Variants in ANKS1B observed in about 807,000 individuals in gnomAD.
ANKS1B encodes the protein ankyrin repeat and sterile alpha motif domain-containing protein 1B.
Under a neutral mutation model 148.3 loss-of-function variants are expected in ANKS1B, and 36 were observed. The ratio of observed to expected loss-of-function variants is 0.24; its 90% CI spans 0.19 to 0.32. The LOEUF is 0.32. Among genes scored for constraint, ANKS1B ranks in the 10% least tolerant of loss-of-function variants. ANKS1B has a pLI of 1.00. For missense variants in ANKS1B, 1,157 were observed against 1,542.6 expected, an observed-to-expected ratio of 0.75 and a Z score of 4.19; for synonymous variants, 542 against 560.8, an observed-to-expected ratio of 0.97 and a Z score of 0.47.
chr12:99,834,949 T>C (rs1025463573), intron 1 of ANKS1B, among the ~76,000 whole-genome samples: 1 of 152,212 alleles, frequency 6.6e-6, no homozygotes, highest in African/African-American at 2.4e-5. Context: ...TCTCAATCTG[T>C]GTCTTAATAG....
intron 8 of ANKS1B, among the ~76,000 whole-genome samples, chr12:99,742,232 C>T (rs913752437): frequency 2.0e-5 from 3 of 150,426 alleles, no homozygotes; most frequent in Admixed American, 1.3e-4. Flanking sequence ...CAAACCTGCA[C>T]ATGTACCCCT....
rs1234431717 is a variant in ANKS1B at position 99,812,171 on chromosome 12, G to C, written c.356C>G (p.Ser119Cys). The C allele has an allele frequency of 6.2e-7, 1 of 1,611,040 alleles. No homozygotes were observed. Among genetic ancestry groups the C allele is most frequent in the African/African-American group, 1.3e-5 (1 of 74,714 alleles). Residue 119 changes from serine to cysteine, a missense_variant, in exon 3 of 27, where the codon TCC becomes TGC. Physicochemically the swap from Ser to Cys is moderately radical, Grantham distance 112. This residue lies in a region of ANKS1B where 164 missense variants were observed against 232.6 expected (regional missense o/e 0.71). Transcript: ENST00000683438. Reference sequence around the variant, plus strand: ...CAAGTGCACCTGTTCATTGACCCTGGAATGTGATGGTCCATGATGAATAAG... The same window carrying C: ...CAAGTGCACCTGTTCATTGACCCTGCAATGTGATGGTCCATGATGAATAAG... ...KILIHHGPSH[S>C]RVNEQNNENE...
At chr12:98,981,584 C>T (rs2099910835) in intron 17 of ANKS1B, among the ~76,000 whole-genome samples, 1 of 152,188 alleles carries the variant, frequency 6.6e-6, no homozygotes, top group African/African-American at 2.4e-5. Flanking sequence ...GACCCACCCG[C>T]CTTGGCCTCC....
chr12:99,493,507 C>T (rs1039571763), intron 10 of ANKS1B, among the ~76,000 whole-genome samples: 10 of 149,932 alleles, frequency 6.7e-5, no homozygotes, highest in African/African-American at 2.3e-4. Context: ...TTGGTGGTGA[C>T]GGAGATTAAG....
rs1029575787 is a variant in ANKS1B at position 99,895,929 on chromosome 12, G to GT, written c.135-70541dup. 2.3e-4 allele frequency among the ~76,000 whole-genome samples: 34 copies of GT among 150,394 alleles called. 1 individual carries two copies. In the East Asian group the frequency reaches 5.6e-3, roughly 25 times the overall value. On this transcript the variant is annotated intron_variant, in intron 1 of 26. Coordinates refer to ENST00000683438, the MANE Select transcript of ANKS1B (RefSeq NM_001352186.2). ...TTTCATATTCTAGATTTTTGGATAA[G>GT]TTTTTTTTTACTTTGCATTTTTGCA...
chr12:98,771,691 C>T (rs1327605590), intron 25 of ANKS1B, among the ~76,000 whole-genome samples: 1 of 152,122 alleles, frequency 6.6e-6, no homozygotes, highest in East Asian at 1.9e-4. Flanking sequence ...GTTTCTCAGG[C>T]TCATCTTCAA....
chr12:99,308,269 T>C (rs2082631404), intron 12 of ANKS1B, among the ~76,000 whole-genome samples: 1 of 152,096 alleles, frequency 6.6e-6, no homozygotes, highest in Non-Finnish European at 1.5e-5. Context: ...ACCCTATGTA[T>C]TACTTTGTAA....
At position 99,660,617 on chromosome 12, in the gene ANKS1B, C is replaced by T. The variant is rs151133383; in HGVS notation, c.1129-5407G>A. On this transcript the variant is annotated intron_variant, in intron 8 of 26. Coordinates refer to ENST00000683438, the MANE Select transcript of ANKS1B (RefSeq NM_001352186.2). ...ACTTCAGGTGATCCACCTGCCTTGG[C>T]CTCCCAATGTGCTGAGATTACAAGC... Among the ~76,000 whole-genome samples the T allele has an allele frequency of 7.4e-3, 1,126 of 152,168 alleles. 7 individuals carry two copies. The highest frequency in any genetic ancestry group is 0.014 in the Middle Eastern group (4 of 294).
intron 17 of ANKS1B, among the ~76,000 whole-genome samples, chr12:99,005,844 C>G (rs186488517): frequency 2.0e-4 from 31 of 152,248 alleles, no homozygotes; most frequent in African/African-American, 7.0e-4. Flanking sequence ...CTGATGAACT[C>G]AATTTGCTGA....
intron 1 of ANKS1B, 114 bp from the exon 2 acceptor site, chr12:99,825,503 C>G: frequency 1.4e-6 from 1 of 716,778 alleles, no homozygotes; most frequent in Non-Finnish European, 2.3e-6. Context: ...AAAATTTTAG[C>G]CATGTGGAAA....
chr12:99,512,449 G>A (rs1205939876), intron 9 of ANKS1B, among the ~76,000 whole-genome samples: 1 of 152,048 alleles, frequency 6.6e-6, no homozygotes, highest in African/African-American at 2.4e-5. Context: ...TCATACTGTT[G>A]GTGGGAGTGT....
At chr12:99,710,263 T>C (rs896199605) in intron 8 of ANKS1B, among the ~76,000 whole-genome samples, 3 of 152,184 alleles carry the variant, frequency 2.0e-5, no homozygotes, top group Non-Finnish European at 4.4e-5. Flanking sequence ...TTGTCAATAA[T>C]GGGATATTCA....
intron 25 of ANKS1B, among the ~76,000 whole-genome samples, chr12:98,752,566 A>G (rs868583856): frequency 6.6e-6 from 1 of 152,114 alleles, no homozygotes; most frequent in South Asian, 2.1e-4. Context: ...CCACGGGTGC[A>G]TCTTTAAGCT....
chr12:99,294,343 A>T (rs942698959), intron 12 of ANKS1B, among the ~76,000 whole-genome samples: 2 of 152,236 alleles, frequency 1.3e-5, no homozygotes. Context: ...CTATTCAGCC[A>T]TAAAAAAGAA....
intron 12 of ANKS1B, among the ~76,000 whole-genome samples, chr12:99,273,836 C>T (rs551383697): frequency 5.3e-5 from 8 of 152,114 alleles, no homozygotes; most frequent in South Asian, 2.1e-4. Flanking sequence ...CCACCTGCCT[C>T]GGCCTCCCAA....
At chr12:99,782,318 A>G (rs7969268) in intron 4 of ANKS1B, among the ~76,000 whole-genome samples, 97,563 of 152,072 alleles carry the variant, frequency 0.64, 31,434 homozygotes, top group South Asian at 0.76. Flanking sequence ...TTTGGGCCAG[A>G]TGCAGCTGAG....
chr12:99,760,679 T>C (rs1290593270), intron 8 of ANKS1B, among the ~76,000 whole-genome samples: 3 of 150,082 alleles, frequency 2.0e-5, no homozygotes, highest in Non-Finnish European at 3.0e-5. Flanking sequence ...AAGAAATAAA[T>C]AAAATAAAAT....
intron 1 of ANKS1B, among the ~76,000 whole-genome samples, chr12:99,948,770 G>A (rs1049473049): frequency 2.0e-5 from 3 of 152,148 alleles, no homozygotes; most frequent in Admixed American, 6.5e-5. Context: ...TAGGAAACAG[G>A]CAAACTGGAG....
intron 17 of ANKS1B, among the ~76,000 whole-genome samples, chr12:98,968,804 G>A (rs982087708): frequency 1.3e-5 from 2 of 152,224 alleles, no homozygotes; most frequent in South Asian, 2.1e-4. Context: ...GAGGGTAACC[G>A]CTTTCCAGAC....
Sources: gnomAD v4.1 joint callset for allele counts (sites outside exome capture counted in the v4.1 genomes callset) on GRCh38, gnomAD v4.1.1 for gene constraint, gnomAD v4.1.1 regional missense constraint, MANE v1.5 for transcripts, NCBI Gene and HGNC (gene_info 2026-07-23, HGNC 2026-07-21) for gene names.